Variants in KCNH5 observed in about 807,000 individuals in gnomAD.
KCNH5 encodes the protein potassium voltage-gated channel subfamily H member 5.
KCNH5 carries 46 observed loss-of-function variants against 96.1 expected under a neutral mutation model. That is an observed-to-expected ratio of 0.48 (90% CI 0.38 to 0.61). The LOEUF (loss-of-function observed/expected upper bound fraction) is 0.61. Among genes scored for constraint, KCNH5 ranks in the 20% least tolerant of loss-of-function variants. The pLI, the probability that KCNH5 is intolerant of heterozygous loss-of-function variation, is 0.00. For synonymous variants in KCNH5, 439 were observed against 449.8 expected, an observed-to-expected ratio of 0.98 and a Z score of 0.30; for missense variants, 907 against 1,225.8, an observed-to-expected ratio of 0.74 and a Z score of 3.88.
At chr14:62,774,933 A>C (rs1320707432) in intron 10 of KCNH5, among the ~76,000 whole-genome samples, 1 of 152,200 alleles carries the variant, frequency 6.6e-6, no homozygotes, top group East Asian at 1.9e-4. Flanking sequence ...AATTGCTCTA[A>C]ATGCACAAAA....
At chr14:62,766,749 A>G (rs938104081) in intron 10 of KCNH5, among the ~76,000 whole-genome samples, 10 of 152,106 alleles carry the variant, frequency 6.6e-5, no homozygotes, top group Non-Finnish European at 1.3e-4. Context: ...GTAGAAAGAA[A>G]TAAGACCTAG....
rs1464636116 is a variant in KCNH5 at position 62,707,568 on chromosome 14, A to G, written c.2907T>C (p.Asp969=). ...LQVPPQIPCQ[D]IFSVSRPESP... The stretch of plus-strand genomic sequence containing the variant: ...ATTCAGGCCTTGAGACACTAAAAAT[A>G]TCCTGACATGGTATCTGGGGGGGTA... The change falls in exon 11 of 11, where the codon GAT becomes GAC. Residue 969 remains aspartate, a synonymous_variant. Transcript: ENST00000322893. 1 of 1,509,974 alleles carries G rather than the reference A, an allele frequency of 6.6e-7. No individual in the cohort carries two copies. Among genetic ancestry groups the G allele is most frequent in the Non-Finnish European group, 8.9e-7 (1 of 1,129,532 alleles). 93.5% of individuals were successfully genotyped at this position (1,509,974 alleles called of 1,614,324 possible).
At chr14:62,784,067 A>C (rs1886272225) in intron 9 of KCNH5, among the ~76,000 whole-genome samples, 1 of 152,200 alleles carries the variant, frequency 6.6e-6, no homozygotes, top group Non-Finnish European at 1.5e-5. Flanking sequence ...AAGACTGGGT[A>C]ATTTATAAAG....
At position 62,742,631 on chromosome 14, in the gene KCNH5, C is replaced by T. The variant is rs140206381; in HGVS notation, c.2020-34176G>A. ...TAGTGGAAAACCATCGCTTTAAACA[C>T]GTCTTTAACATCATATACATTTATT... On this transcript the variant is annotated intron_variant, in intron 10 of 10. Coordinates refer to ENST00000322893, the MANE Select transcript of KCNH5 (RefSeq NM_139318.5). Among the ~76,000 whole-genome samples the T allele has an allele frequency of 1.9e-3, 293 of 152,126 alleles. 1 individual carries two copies. The highest frequency in any genetic ancestry group is 6.7e-3 in the African/African-American group (278 of 41,546).
chr14:63,032,194 A>G (rs924984848), intron 1 of KCNH5, among the ~76,000 whole-genome samples: 6 of 152,004 alleles, frequency 3.9e-5, no homozygotes, highest in Non-Finnish European at 5.9e-5. Flanking sequence ...CTCTGACTGT[A>G]TTCATGTAGT....
Position 62,818,068 on chromosome 14 carries a change from C to G in KCNH5, c.1570-15487G>C, listed in dbSNP as rs1887029604. ...TATGTGGAATCTATAAAACTCAAAC[C>G]CATAGAAACAGGGTAAAGGGTGGCT... On this transcript the variant is annotated intron_variant, in intron 8 of 10. Transcript: ENST00000322893. Among the ~76,000 whole-genome samples, 3 of 124,964 alleles carry G rather than the reference C, an allele frequency of 2.4e-5. No individual in the cohort carries two copies. In the Admixed American group the frequency reaches 3.2e-4, roughly 13 times the overall value. 82.0% of individuals were successfully genotyped at this position (124,964 alleles called of 152,430 possible).
chr14:62,890,725 G>T (rs559206610), intron 7 of KCNH5, among the ~76,000 whole-genome samples: 74 of 148,192 alleles, frequency 5.0e-4, no homozygotes, highest in African/African-American at 1.7e-3. Flanking sequence ...AAAAAAGTGG[G>T]CAAAGGACAT....
chr14:62,733,288 C>G (rs1298347561), intron 10 of KCNH5, among the ~76,000 whole-genome samples: 1 of 152,044 alleles, frequency 6.6e-6, no homozygotes, highest in African/African-American at 2.4e-5. Context: ...CGAATTAGTC[C>G]ATGAGGGTAG....
intron 6 of KCNH5, among the ~76,000 whole-genome samples, chr14:62,965,378 G>A (rs543875588): frequency 6.6e-6 from 1 of 152,150 alleles, no homozygotes; most frequent in East Asian, 1.9e-4. Context: ...TTAAAGGAAT[G>A]GATAAGTTCC....
intron 2 of KCNH5, among the ~76,000 whole-genome samples, chr14:63,010,331 T>C (rs1381076662): frequency 3.3e-5 from 5 of 152,202 alleles, no homozygotes; most frequent in Admixed American, 6.5e-5. Context: ...TGTTACACAA[T>C]GGCTGAAATA....
chr14:62,784,933 T>C (rs1886290324), intron 9 of KCNH5, among the ~76,000 whole-genome samples: 1 of 152,178 alleles, frequency 6.6e-6, no homozygotes, highest in Non-Finnish European at 1.5e-5. Context: ...AAACTTTATT[T>C]CCTGCTCCTC....
At chr14:62,718,242 C>T (rs972032359) in intron 10 of KCNH5, among the ~76,000 whole-genome samples, 1 of 152,054 alleles carries the variant, frequency 6.6e-6, no homozygotes, top group African/African-American at 2.4e-5. Flanking sequence ...ACCTCAGCAT[C>T]ACACGACATA....
At chr14:62,820,382 T>G (rs2140017116) in intron 8 of KCNH5, among the ~76,000 whole-genome samples, 1 of 151,152 alleles carries the variant, frequency 6.6e-6, no homozygotes, top group Admixed American at 6.6e-5. Flanking sequence ...AGTCTCACTC[T>G]GTCACCCAGG....
At chr14:62,937,725 G>C (rs1041416073) in intron 7 of KCNH5, among the ~76,000 whole-genome samples, 2 of 152,176 alleles carry the variant, frequency 1.3e-5, no homozygotes, top group Non-Finnish European at 1.5e-5. Flanking sequence ...TGTTCACAAG[G>C]CTGTCTAGTT....
intron 10 of KCNH5, among the ~76,000 whole-genome samples, chr14:62,726,195 C>T (rs189027856): frequency 1.4e-4 from 22 of 152,064 alleles, no homozygotes; most frequent in Admixed American, 1.4e-3. Context: ...AAACATAAAG[C>T]TTTTCAAAGA....
chr14:62,817,745 T>A (rs1887019326), intron 8 of KCNH5, among the ~76,000 whole-genome samples: 1 of 147,088 alleles, frequency 6.8e-6, no homozygotes, highest in South Asian at 2.1e-4. Context: ...AATAATATAT[T>A]CTAGGAATAT....
At chr14:62,913,433 G>T (rs1231499971) in intron 7 of KCNH5, among the ~76,000 whole-genome samples, 1 of 149,250 alleles carries the variant, frequency 6.7e-6, no homozygotes, top group Non-Finnish European at 1.5e-5. Context: ...TTACCATATT[G>T]TCCAGGCTGG....
At position 62,708,552 on chromosome 14, in the gene KCNH5, AAC is replaced by A. The variant is rs1884495145; in HGVS notation, c.2020-99_2020-98del. On this transcript the variant is annotated intron_variant, in intron 10 of 10. Coordinates refer to ENST00000322893, the MANE Select transcript of KCNH5 (RefSeq NM_139318.5). ...TGTATGTGCTTTGTGTTACAAAGAA[AAC>A]CCTTGAATATTTGATAAGATTATTT... is the stretch of plus-strand genomic sequence containing the variant. 4.3e-6 allele frequency: 3 copies of A among 704,490 alleles called. No individual in the cohort carries two copies. The East Asian group carries it at 8.0e-5, about 19-fold the overall frequency. 43.6% of individuals were successfully genotyped at this position (704,490 alleles called of 1,614,324 possible).
chr14:63,015,931 A>T (rs1030922289), intron 2 of KCNH5, among the ~76,000 whole-genome samples: 1 of 151,500 alleles, frequency 6.6e-6, no homozygotes, highest in African/African-American at 2.4e-5. Context: ...ATATATACAT[A>T]TATATATGTA....
Sources: gnomAD v4.1 joint callset for allele counts (sites outside exome capture counted in the v4.1 genomes callset) on GRCh38, gnomAD v4.1.1 for gene constraint, MANE v1.5 for transcripts, NCBI Gene and HGNC (gene_info 2026-07-23, HGNC 2026-07-21) for gene names.